PRKG2: variants seen among roughly 807,000 people sequenced by gnomAD.
The protein encoded by PRKG2 is protein kinase cGMP-dependent 2, also known as cGMP-dependent protein kinase 2.
A neutral mutation model predicts 97.2 loss-of-function variants in PRKG2; 33 were observed. That is an observed-to-expected ratio of 0.34 (90% CI 0.26 to 0.45). PRKG2 has a LOEUF of 0.45. Ranked by LOEUF, PRKG2 falls within the 20% of genes least tolerant of loss-of-function variation. PRKG2 has a pLI of 1.00. For missense variants in PRKG2, 638 were observed against 900.0 expected (o/e 0.71, Z 3.73); for synonymous variants, 330 against 321.8 (o/e 1.03, Z -0.27).
chr4:81,089,894 A>G (rs1741380621), intron 18 of PRKG2, 91 bp from the exon 19 acceptor site: 2 of 1,030,644 alleles, frequency 1.9e-6, no homozygotes, highest in Non-Finnish European at 2.9e-6. Flanking sequence ...CAGAACACTG[A>G]TTTCATACTG....
intron 6 of PRKG2, among the ~76,000 whole-genome samples, chr4:81,159,313 C>T (rs910974020): frequency 4.6e-5 from 7 of 152,118 alleles, no homozygotes; most frequent in Non-Finnish European, 8.8e-5. Flanking sequence ...TGAACAGACA[C>T]TTCTCAAAAG....
At chr4:81,189,053 T>TAA (rs1560615637) in intron 2 of PRKG2, among the ~76,000 whole-genome samples, 3 of 17,416 alleles carry the variant, frequency 1.7e-4, no homozygotes, top group African/African-American at 8.1e-4. Context: ...AAAAAAAAGA[T>TAA]TAAAAAAAAT....
chr4:81,111,415 T>A (rs1277899686), intron 14 of PRKG2, among the ~76,000 whole-genome samples: 1 of 146,246 alleles, frequency 6.8e-6, no homozygotes, highest in East Asian at 2.3e-4. Flanking sequence ...TATATCATGT[T>A]ATACATGATT....
chr4:81,143,832 C>T lies in PRKG2; in HGVS notation c.1253+400G>A, dbSNP rs548296458. 1.8e-4 allele frequency among the ~76,000 whole-genome samples: 27 copies of T among 152,160 alleles called. No individual in the cohort carries two copies. In the South Asian group the frequency reaches 5.4e-3, roughly 30 times the overall value. On this transcript the variant is annotated intron_variant, in intron 10 of 18. Transcript: ENST00000264399. ...TACTACATTTAGAGACCTACCCAAC[C>T]CCCTCCTCCACATATCCCTGGGCAA...
chr4:81,108,087 C>T (rs906602151), intron 15 of PRKG2, among the ~76,000 whole-genome samples: 1 of 151,954 alleles, frequency 6.6e-6, no homozygotes, highest in Non-Finnish European at 1.5e-5. Flanking sequence ...CACCTATAAT[C>T]CCAGCTACTC....
intron 14 of PRKG2, among the ~76,000 whole-genome samples, chr4:81,117,200 C>T (rs1560550327): frequency 6.6e-6 from 1 of 151,710 alleles, no homozygotes; most frequent in Non-Finnish European, 1.5e-5. Flanking sequence ...ACCATGTTGC[C>T]CAGGCTGATC....
At chr4:81,089,840 T>C in intron 18 of PRKG2, 37 bp from the exon 19 acceptor site, 6 of 1,511,862 alleles carry the variant, frequency 4.0e-6, no homozygotes, top group Non-Finnish European at 2.8e-6. Flanking sequence ...GGAAGAATAA[T>C]GTTGACCAAG....
chr4:81,207,336 T>C (rs886250235), intron 1 of PRKG2, among the ~76,000 whole-genome samples: 3 of 152,142 alleles, frequency 2.0e-5, no homozygotes, highest in Non-Finnish European at 4.4e-5. Context: ...GGAGATGTGA[T>C]GGTAGGAGGA....
chr4:81,089,929 G>GA (rs1378974249), intron 18 of PRKG2, 126 bp from the exon 19 acceptor site: 1 of 712,762 alleles, frequency 1.4e-6, no homozygotes. Context: ...TTACATACAA[G>GA]AAAAAAATGA....
At chr4:81,109,784 T>C (rs1397104345) in intron 15 of PRKG2, among the ~76,000 whole-genome samples, 3 of 152,188 alleles carry the variant, frequency 2.0e-5, no homozygotes, top group Non-Finnish European at 2.9e-5. Flanking sequence ...ACATATAGCC[T>C]GTGTATGTGT....
chr4:81,181,819 A>G (rs1285404945), intron 2 of PRKG2, among the ~76,000 whole-genome samples: 1 of 152,022 alleles, frequency 6.6e-6, no homozygotes, highest in Non-Finnish European at 1.5e-5. Context: ...AATTCAAAAT[A>G]AAATTTTTAA....
intron 14 of PRKG2, among the ~76,000 whole-genome samples, chr4:81,132,830 T>C (rs1318039458): frequency 6.6e-6 from 1 of 152,192 alleles, no homozygotes; most frequent in African/African-American, 2.4e-5. Flanking sequence ...TCCTTGCTCA[T>C]TTTTTAACCC....
chr4:81,127,563 T>C (rs1422413785), intron 14 of PRKG2, among the ~76,000 whole-genome samples: 1 of 152,176 alleles, frequency 6.6e-6, no homozygotes, highest in African/African-American at 2.4e-5. Flanking sequence ...CCTTGTAAGT[T>C]GTATTCCTAG....
intron 15 of PRKG2, among the ~76,000 whole-genome samples, chr4:81,108,252 CA>C (rs987252546): frequency 1.3e-4 from 19 of 151,924 alleles, no homozygotes; most frequent in African/African-American, 4.6e-4. Flanking sequence ...TCTATTATGC[CA>C]TTTAATTTTT....
At chr4:81,155,045 G>A (rs1186279873) in intron 6 of PRKG2, among the ~76,000 whole-genome samples, 40 of 150,874 alleles carry the variant, frequency 2.7e-4, no homozygotes, top group Admixed American at 2.4e-3. Context: ...GGGCGTAGTG[G>A]CGGGCGCCTG....
chr4:81,092,837 A>C (rs1240049851), intron 17 of PRKG2, among the ~76,000 whole-genome samples: 1 of 152,192 alleles, frequency 6.6e-6, no homozygotes, highest in Non-Finnish European at 1.5e-5. Context: ...ATCTGAGTCC[A>C]TGATCAAATC....
At chr4:81,133,883 G>A (rs1746409146) in intron 14 of PRKG2, among the ~76,000 whole-genome samples, 2 of 151,354 alleles carry the variant, frequency 1.3e-5, no homozygotes, top group African/African-American at 2.4e-5. Flanking sequence ...AGAAAAATCA[G>A]TTATGAGAAA....
chr4:81,171,873 A>G (rs765695077), intron 3 of PRKG2, 69 bp from the exon 4 acceptor site: 2 of 1,043,734 alleles, frequency 1.9e-6, no homozygotes, highest in Non-Finnish European at 2.8e-6. Flanking sequence ...ATAAATTAGT[A>G]AAATAAAACA....
intron 2 of PRKG2, chr4:81,175,872 G>T (rs909611796): frequency 2.0e-5 from 3 of 152,054 alleles, no homozygotes; most frequent in African/African-American, 7.2e-5. Context: ...TGCAAGAAAA[G>T]ATGCTCTATG....
Sources: gnomAD v4.1 joint callset for allele counts (sites outside exome capture counted in the v4.1 genomes callset) on GRCh38, gnomAD v4.1.1 for gene constraint, MANE v1.5 for transcripts, NCBI Gene and HGNC (gene_info 2026-07-23, HGNC 2026-07-21) for gene names.